The following WDR27 variants were observed in gnomAD, a reference collection of about 807,000 sequenced individuals.
WDR27 encodes WD repeat-containing protein 27.
WDR27 carries 100 observed loss-of-function variants against 114.4 expected under a neutral mutation model. The observed-to-expected ratio is 0.87, with a 90% CI of 0.74 to 1.03. The LOEUF (loss-of-function observed/expected upper bound fraction) is 1.03, where lower values mean the gene tolerates loss of function less well. Ranked by LOEUF, WDR27 falls within the 50% of genes least tolerant of loss-of-function variation. The probability of loss-of-function intolerance (pLI) is 0.00; values close to 1 mark genes in which losing one functional copy is unlikely to be tolerated. For missense variants in WDR27, 1,129 were observed against 1,092.9 expected (o/e 1.03, Z -0.47); for synonymous variants, 449 against 423.1 (o/e 1.06, Z -0.75).
intron 21 of WDR27, among the ~76,000 whole-genome samples, chr6:169,630,847 T>C (rs1816155453): frequency 6.6e-6 from 1 of 152,146 alleles, no homozygotes; most frequent in Non-Finnish European, 1.5e-5. Flanking sequence ...TGAGCCGAGA[T>C]CATGGCACTG....
chr6:169,502,609 G>C (rs1439898132), intron 25 of WDR27, among the ~76,000 whole-genome samples: 1 of 152,134 alleles, frequency 6.6e-6, no homozygotes, highest in Non-Finnish European at 1.5e-5. Context: ...CCCGATCCGG[G>C]GCTGTGGCCC....
intron 25 of WDR27, among the ~76,000 whole-genome samples, chr6:169,474,913 TC>T (rs1786929295): frequency 6.6e-6 from 1 of 152,156 alleles, no homozygotes; most frequent in Non-Finnish European, 1.5e-5. Flanking sequence ...AAAGTGCCCA[TC>T]CCATTCACAG....
intron 1 of WDR27, among the ~76,000 whole-genome samples, chr6:169,693,182 T>C (rs1784945804): frequency 6.6e-6 from 1 of 152,188 alleles, no homozygotes; most frequent in Admixed American, 6.6e-5. Flanking sequence ...ATTGGGGTCA[T>C]ATCTTTACCC....
At position 169,530,890 on chromosome 6, in the gene WDR27, C is replaced by A. The variant is rs1406090721; in HGVS notation, c.2645+41529G>T. Among the ~76,000 whole-genome samples, 11 of 152,334 alleles carry A rather than the reference C, an allele frequency of 7.2e-5. No individual in the cohort carries two copies. In the East Asian group the frequency reaches 1.4e-3, roughly 19 times the overall value. ...TAAACCTTCCTAACATTCATGCATG[C>A]ACGTCTCATGTCTGAGATGCAGCCA... On this transcript the variant is annotated intron_variant, in intron 25 of 25. Coordinates refer to ENST00000448612, the MANE Select transcript of WDR27 (RefSeq NM_182552.5).
At chr6:169,607,713 C>T (rs1484810958) in intron 22 of WDR27, among the ~76,000 whole-genome samples, 4 of 152,066 alleles carry the variant, frequency 2.6e-5, no homozygotes, top group African/African-American at 4.8e-5. Context: ...CTTAAAAGCC[C>T]GGACTTCACC....
chr6:169,467,888 G>C (rs962103862), intron 25 of WDR27, among the ~76,000 whole-genome samples: 1 of 152,164 alleles, frequency 6.6e-6, no homozygotes, highest in African/African-American at 2.4e-5. Flanking sequence ...TTTATGCTCT[G>C]CTTTCCTTTT....
intron 25 of WDR27, among the ~76,000 whole-genome samples, chr6:169,465,577 A>C (rs553135027): frequency 6.6e-6 from 1 of 152,332 alleles, no homozygotes; most frequent in African/African-American, 2.4e-5. Flanking sequence ...TAGGGTCTCT[A>C]GGAGATATTT....
intron 2 of WDR27, among the ~76,000 whole-genome samples, chr6:169,678,453 C>T (rs971024709): frequency 6.6e-6 from 1 of 152,158 alleles, no homozygotes; most frequent in Non-Finnish European, 1.5e-5. Context: ...GCCTATAATC[C>T]CTTTGTATAT....
At chr6:169,507,740 A>G (rs1310588593) in intron 25 of WDR27, among the ~76,000 whole-genome samples, 3 of 152,194 alleles carry the variant, frequency 2.0e-5, no homozygotes, top group African/African-American at 7.2e-5. Flanking sequence ...ACTAAAGAAT[A>G]TTTTTCAATG....
intron 2 of WDR27, among the ~76,000 whole-genome samples, chr6:169,675,655 A>C (rs1251793399): frequency 6.6e-6 from 1 of 152,190 alleles, no homozygotes; most frequent in Non-Finnish European, 1.5e-5. Flanking sequence ...CTTCCAGGCT[A>C]TAGGTAAATT....
intron 25 of WDR27, among the ~76,000 whole-genome samples, chr6:169,494,434 C>CT (rs1425004994): frequency 2.0e-5 from 3 of 152,128 alleles, no homozygotes; most frequent in African/African-American, 7.2e-5. Context: ...CACTATAAGA[C>CT]TGGCAGTGCA....
rs537644863 is a variant in WDR27 at position 169,665,228 on chromosome 6, A to T, written c.783+258T>A. 4.8e-5 allele frequency: 58 copies of T among 1,219,618 alleles called. 1 individual carries two copies. The South Asian group carries it at 1.5e-3, about 32-fold the overall frequency. 75.5% of individuals were successfully genotyped at this position (1,219,618 alleles called of 1,614,324 possible). A position where few individuals can be genotyped will look rare whatever the true frequency, so the allele number is the denominator to read the frequency against. The stretch of plus-strand genomic sequence containing the variant: ...TTTCAGGGTCACGTGAGTGGCCCTC[A>T]CTTTTGCTGCACTCCAGAACCACGC... On this transcript the variant is annotated intron_variant, in intron 7 of 25. Coordinates refer to ENST00000448612, the MANE Select transcript of WDR27 (RefSeq NM_182552.5).
chr6:169,527,454 T>C (rs1341845588), intron 25 of WDR27, among the ~76,000 whole-genome samples: 2 of 152,110 alleles, frequency 1.3e-5, no homozygotes, highest in Non-Finnish European at 1.5e-5. Flanking sequence ...AGACCAGTGG[T>C]TGCTAGATGA....
chr6:169,537,335 T>C (rs796226163), intron 25 of WDR27, among the ~76,000 whole-genome samples: 2 of 152,200 alleles, frequency 1.3e-5, no homozygotes, highest in Admixed American at 6.5e-5. Context: ...TAGGGTGATG[T>C]GATAGGGAAT....
intron 25 of WDR27, among the ~76,000 whole-genome samples, chr6:169,554,956 G>A (rs2982400): frequency 0.47 from 71,126 of 152,064 alleles, 20,450 homozygotes; most frequent in Non-Finnish European, 0.65. Context: ...GTACTTTCTA[G>A]GCAATATTAA....
At chr6:169,631,640 C>T (rs74793933) in intron 21 of WDR27, among the ~76,000 whole-genome samples, 1 of 152,084 alleles carries the variant, frequency 6.6e-6, no homozygotes, top group African/African-American at 2.4e-5. Flanking sequence ...CCATCCAGAC[C>T]GACATGCAGG....
chr6:169,453,822 T>G (rs1562435097), downstream of WDR27, among the ~76,000 whole-genome samples: 1 of 152,194 alleles, frequency 6.6e-6, no homozygotes, highest in Non-Finnish European at 1.5e-5. Context: ...TTTCATAGCT[T>G]AAGGTAATTT....
intron 25 of WDR27, among the ~76,000 whole-genome samples, chr6:169,529,321 G>GA (rs929382336): frequency 2.1e-5 from 3 of 139,970 alleles, no homozygotes; most frequent in Non-Finnish European, 3.1e-5. Context: ...GCGGGGGGGG[G>GA]GGGCAGCTAA....
At chr6:169,460,006 A>G (rs1583559157) in intron 25 of WDR27, among the ~76,000 whole-genome samples, 1 of 152,304 alleles carries the variant, frequency 6.6e-6, no homozygotes, top group Admixed American at 6.5e-5. Context: ...AGGAATTTGA[A>G]GGTGTATGAA....
Sources: allele counts gnomAD v4.1 joint callset (sites outside exome capture counted in the v4.1 genomes callset), GRCh38; gene constraint gnomAD v4.1.1; transcripts MANE v1.5; gene names NCBI Gene and HGNC (gene_info 2026-07-23, HGNC 2026-07-21).